Variants in GABRB1 observed in about 807,000 individuals in gnomAD.
GABRB1 encodes gamma-aminobutyric acid type A receptor subunit beta1, also known as gamma-aminobutyric acid receptor subunit beta-1.
In GABRB1, 17 loss-of-function variants were observed where a neutral mutation model predicts 51.6. That is an observed-to-expected ratio of 0.33 (90% CI 0.23 to 0.49). GABRB1 has a LOEUF of 0.49. GABRB1 is among the 20% of genes least tolerant of loss of function. The pLI, the probability that GABRB1 is intolerant of heterozygous loss-of-function variation, is 0.99. For synonymous variants in GABRB1, 247 were observed against 218.9 expected (o/e 1.13, Z -1.14); for missense variants, 410 against 600.6 (o/e 0.68, Z 3.32).
intron 4 of GABRB1, among the ~76,000 whole-genome samples, chr4:47,223,155 G>A (rs1161477745): frequency 6.6e-6 from 1 of 151,930 alleles, no homozygotes; most frequent in African/African-American, 2.4e-5. Flanking sequence ...CTTTTTTCAT[G>A]AGAAACAGTG....
chr4:47,058,678 G>T (rs1726722487), intron 3 of GABRB1, among the ~76,000 whole-genome samples: 1 of 152,096 alleles, frequency 6.6e-6, no homozygotes, highest in African/African-American at 2.4e-5. Flanking sequence ...TTCCATAGGG[G>T]ATATTTTATC....
chr4:47,171,313 A>T (rs1472797611), intron 4 of GABRB1, among the ~76,000 whole-genome samples: 1 of 152,102 alleles, frequency 6.6e-6, no homozygotes, highest in Non-Finnish European at 1.5e-5. Flanking sequence ...TAAGAAAAAA[A>T]GGAAGGAAGG....
At chr4:47,260,829 C>G (rs147317244) in intron 4 of GABRB1, among the ~76,000 whole-genome samples, 17,576 of 152,098 alleles carry the variant, frequency 0.12, 1,495 homozygotes, top group East Asian at 0.4. Context: ...AATCCAGCAG[C>G]ACATCAAAAA....
chr4:47,112,326 C>T (rs1018215473), intron 3 of GABRB1, among the ~76,000 whole-genome samples: 5 of 152,114 alleles, frequency 3.3e-5, no homozygotes, highest in African/African-American at 4.8e-5. Context: ...AGGCTGATCT[C>T]GACCTCCTGA....
intron 4 of GABRB1, among the ~76,000 whole-genome samples, chr4:47,185,995 G>A (rs1274206588): frequency 6.6e-6 from 1 of 151,750 alleles, no homozygotes; most frequent in East Asian, 1.9e-4. Context: ...TTAACCAAGT[G>A]AAAACATAAA....
intron 3 of GABRB1, among the ~76,000 whole-genome samples, chr4:47,073,888 C>T (rs10027299): frequency 0.8 from 121,433 of 152,024 alleles, 48,866 homozygotes; most frequent in South Asian, 0.85. Context: ...AGCCAAAATA[C>T]AAACAGAGAT....
intron 4 of GABRB1, among the ~76,000 whole-genome samples, chr4:47,302,021 T>C (rs887809593): frequency 1.3e-5 from 2 of 152,184 alleles, no homozygotes; most frequent in Non-Finnish European, 2.9e-5. Flanking sequence ...TAAAGCCCTT[T>C]CTAAGTTACA....
intron 3 of GABRB1, chr4:47,032,888 T>C (rs529886175): frequency 2.1e-5 from 8 of 382,390 alleles, no homozygotes; most frequent in Non-Finnish European, 2.6e-5. Flanking sequence ...GGCGCGGTGC[T>C]GGCAATCCCC....
At chr4:47,416,110 G>A (rs1026070945) in intron 8 of GABRB1, among the ~76,000 whole-genome samples, 1 of 152,182 alleles carries the variant, frequency 6.6e-6, no homozygotes, top group African/African-American at 2.4e-5. Context: ...ATAAACACAT[G>A]ATATAATGGC....
chr4:47,401,338 C>T (rs867258677), intron 5 of GABRB1, among the ~76,000 whole-genome samples: 5 of 152,148 alleles, frequency 3.3e-5, no homozygotes, highest in South Asian at 2.1e-4. Flanking sequence ...AACAGTATGG[C>T]GATTTCTCAG....
Position 47,281,202 on chromosome 4 carries a change from G to A in GABRB1, c.462-38925G>A, listed in dbSNP as rs1416982020. On this transcript the variant is annotated intron_variant, in intron 4 of 8. Coordinates refer to ENST00000295454, the MANE Select transcript of GABRB1 (RefSeq NM_000812.4). ...AGAACTCAAATAGCACAGTAGCGAG[G>A]AAACAAATAATCTGATTAAAAAATG... is the stretch of plus-strand genomic sequence containing the variant. Among the ~76,000 whole-genome samples, 3 of 152,130 alleles carry A rather than the reference G, an allele frequency of 2.0e-5. No individual in the cohort carries two copies. The East Asian group carries it at 5.8e-4, about 29-fold the overall frequency.
intron 3 of GABRB1, among the ~76,000 whole-genome samples, chr4:47,065,492 A>G (rs1270455004): frequency 2.6e-5 from 4 of 152,276 alleles, no homozygotes; most frequent in African/African-American, 9.6e-5. Flanking sequence ...ATGAAGGAAG[A>G]TAAAGAAAGT....
chr4:47,344,308 T>A (rs578164702), intron 5 of GABRB1, among the ~76,000 whole-genome samples: 1 of 152,192 alleles, frequency 6.6e-6, no homozygotes, highest in Admixed American at 6.5e-5. Context: ...CAACAATTAG[T>A]TGTAGAATAT....
chr4:47,243,137 T>C (rs1224818845), intron 4 of GABRB1, among the ~76,000 whole-genome samples: 2 of 152,214 alleles, frequency 1.3e-5, no homozygotes, highest in Non-Finnish European at 2.9e-5. Flanking sequence ...ATTTATTAAA[T>C]AGGGAATCCT....
intron 3 of GABRB1, among the ~76,000 whole-genome samples, chr4:47,055,759 T>G (rs1726569188): frequency 6.6e-6 from 1 of 152,164 alleles, no homozygotes; most frequent in Non-Finnish European, 1.5e-5. Context: ...GACTTCGCCC[T>G]TCCCATCCTT....
At chr4:47,273,801 T>C (rs1234944039) in intron 4 of GABRB1, among the ~76,000 whole-genome samples, 1 of 151,758 alleles carries the variant, frequency 6.6e-6, no homozygotes, top group Non-Finnish European at 1.5e-5. Context: ...ATTATTTTAT[T>C]ATTGAGATTG....
At chr4:46,997,410 A>G (rs113660056) in intron 1 of GABRB1, among the ~76,000 whole-genome samples, 69 of 150,104 alleles carry the variant, frequency 4.6e-4, no homozygotes, top group African/African-American at 1.4e-3. Context: ...ATCTTATTAT[A>G]CATAACATAT....
rs191736538 is a variant in GABRB1 at position 47,188,461 on chromosome 4, A to T, written c.461+26992A>T. 2.9e-3 allele frequency among the ~76,000 whole-genome samples: 436 copies of T among 152,076 alleles called. 3 individuals are homozygous for T. The highest frequency in any genetic ancestry group is 9.4e-3 in the African/African-American group (392 of 41,534). Reference sequence around the variant, plus strand: ...ATTGACCTTCAAAAGGGAATATTGTATTTTGGATGCCAAGGTAAATAATGT... The same window carrying T: ...ATTGACCTTCAAAAGGGAATATTGTTTTTTGGATGCCAAGGTAAATAATGT... On this transcript the variant is annotated intron_variant, in intron 4 of 8. Transcript: ENST00000295454.
intron 3 of GABRB1, among the ~76,000 whole-genome samples, chr4:47,067,425 A>T (rs1727133764): frequency 6.6e-6 from 1 of 152,204 alleles, no homozygotes; most frequent in Non-Finnish European, 1.5e-5. Context: ...TCTAGATGTC[A>T]TCTTCTTCCA....
Sources: allele counts gnomAD v4.1 joint callset (sites outside exome capture counted in the v4.1 genomes callset), GRCh38; gene constraint gnomAD v4.1.1; transcripts MANE v1.5; gene names NCBI Gene and HGNC (gene_info 2026-07-23, HGNC 2026-07-21).